The following PRKN variants were observed in gnomAD, a reference collection of about 807,000 sequenced individuals.
The protein encoded by PRKN is E3 ubiquitin-protein ligase parkin.
In PRKN, 56 loss-of-function variants were observed where a neutral mutation model predicts 59.5. The observed-to-expected ratio is 0.94, with a 90% confidence interval of 0.76 to 1.18. PRKN has a LOEUF of 1.18. PRKN is among the 50% of genes most tolerant of loss of function. The probability of loss-of-function intolerance (pLI) is 0.00; values close to 1 mark genes in which losing one functional copy is unlikely to be tolerated. For missense variants in PRKN, 657 were observed against 596.4 expected (o/e 1.10, Z -1.06); for synonymous variants, 250 against 222.1 (o/e 1.13, Z -1.12).
At chr6:162,283,735 G>GCCAATTT (rs1377716572) in intron 2 of PRKN, among the ~76,000 whole-genome samples, 1 of 152,070 alleles carries the variant, frequency 6.6e-6, no homozygotes, top group East Asian at 1.9e-4. Flanking sequence ...TGGCCAGGCT[G>GCCAATTT]GTCTCGAACT....
chr6:161,431,907 A>C (rs559340819), intron 9 of PRKN, among the ~76,000 whole-genome samples: 1 of 152,296 alleles, frequency 6.6e-6, no homozygotes, highest in South Asian at 2.1e-4. Context: ...GAGCCACTGC[A>C]TCCGGCAATA....
intron 6 of PRKN, among the ~76,000 whole-genome samples, chr6:161,937,944 C>G (rs537584116): frequency 1.3e-5 from 2 of 152,250 alleles, no homozygotes; most frequent in South Asian, 4.1e-4. Flanking sequence ...ATACATTCTT[C>G]CTAAATTTCA....
At chr6:162,706,027 A>G (rs980260139) in intron 1 of PRKN, among the ~76,000 whole-genome samples, 4 of 152,030 alleles carry the variant, frequency 2.6e-5, no homozygotes, top group African/African-American at 9.7e-5. Flanking sequence ...CACACAGCTC[A>G]CAATCTCTTG....
intron 5 of PRKN, among the ~76,000 whole-genome samples, chr6:162,004,402 A>C (rs1782170132): frequency 6.6e-6 from 1 of 152,174 alleles, no homozygotes; most frequent in South Asian, 2.1e-4. Context: ...TGAGCCAATT[A>C]AACCTCTTTT....
chr6:161,853,597 T>G (rs749686725), intron 6 of PRKN, among the ~76,000 whole-genome samples: 26 of 152,370 alleles, frequency 1.7e-4, no homozygotes, highest in African/African-American at 5.3e-4. Flanking sequence ...TTAACAGAGC[T>G]AGGAATACTG....
intron 2 of PRKN, among the ~76,000 whole-genome samples, chr6:162,263,751 C>T (rs1383853065): frequency 4.7e-5 from 7 of 149,602 alleles, no homozygotes; most frequent in East Asian, 2.0e-4. Flanking sequence ...GTCAGGAGTT[C>T]GAGAAGAGCC....
intron 4 of PRKN, among the ~76,000 whole-genome samples, chr6:162,071,912 C>G (rs1778592996): frequency 6.6e-6 from 1 of 151,902 alleles, no homozygotes; most frequent in Non-Finnish European, 1.5e-5. Context: ...TACTTAATTA[C>G]TCTAGTTTCT....
At chr6:162,103,703 C>T (rs1260997515) in intron 4 of PRKN, among the ~76,000 whole-genome samples, 7 of 151,936 alleles carry the variant, frequency 4.6e-5, no homozygotes, top group African/African-American at 1.7e-4. Flanking sequence ...CTCAGAGGAA[C>T]GCCAGGGCAG....
At chr6:161,589,384 G>T (rs1781633430) in intron 7 of PRKN, among the ~76,000 whole-genome samples, 1 of 152,080 alleles carries the variant, frequency 6.6e-6, no homozygotes. Flanking sequence ...TTATACTTCA[G>T]ACAAGGTTCA....
At chr6:161,951,279 T>C (rs569779323) in intron 6 of PRKN, among the ~76,000 whole-genome samples, 22 of 152,172 alleles carry the variant, frequency 1.4e-4, no homozygotes, top group Non-Finnish European at 2.1e-4. Flanking sequence ...TTTCTAAAAG[T>C]CCTGTTTCCT....
chr6:161,596,465 C>A (rs1369499452), intron 7 of PRKN, among the ~76,000 whole-genome samples: 2 of 152,084 alleles, frequency 1.3e-5, no homozygotes, highest in Admixed American at 6.5e-5. Context: ...GTATGTTTTT[C>A]TTTTTCTGAC....
intron 1 of PRKN, among the ~76,000 whole-genome samples, chr6:162,646,344 C>T (rs758847032): frequency 2.0e-5 from 3 of 151,956 alleles, no homozygotes; most frequent in Non-Finnish European, 4.4e-5. Context: ...GTAATCATAG[C>T]TCACTGTGGC....
At chr6:161,688,390 C>A (rs1315598621) in intron 7 of PRKN, among the ~76,000 whole-genome samples, 1 of 152,200 alleles carries the variant, frequency 6.6e-6, no homozygotes, top group Non-Finnish European at 1.5e-5. Flanking sequence ...TGGGGAAGAG[C>A]CTATGCTCTC....
chr6:161,906,659 C>CATAT lies in PRKN; in HGVS notation c.734+66639_734+66642dup, dbSNP rs144796790. Among the ~76,000 whole-genome samples, 36 of 116,614 alleles carry CATAT rather than the reference C, an allele frequency of 3.1e-4. 1 individual carries two copies. Among genetic ancestry groups the CATAT allele is most frequent in the Middle Eastern group, 4.8e-3 (1 of 208 alleles). 76.5% of individuals were successfully genotyped at this position (116,614 alleles called of 152,430 possible). On this transcript the variant is annotated intron_variant, in intron 6 of 11. Transcript: ENST00000366898. ...AGAGGGACAAATCTAATAGAACATACATATATATATATATATGTATATATG... is the reference window on the plus strand; with the variant it reads ...AGAGGGACAAATCTAATAGAACATACATATATATATATATATATATGTATATATG...
chr6:162,552,211 G>A (rs771527848), intron 1 of PRKN, among the ~76,000 whole-genome samples: 3 of 152,188 alleles, frequency 2.0e-5, no homozygotes, highest in Non-Finnish European at 4.4e-5. Flanking sequence ...GAGTCGGACA[G>A]CAAAGACAGA....
In PRKN at chr6:161,362,489, G is replaced by A. The variant is rs143362272; in HGVS notation, c.1168-2284C>T. ...GAGGACCTGGACTCCTGAGGGTGAC[G>A]TTCTCAGTGGAGGAAGCCAGGGCAA... On this transcript the variant is annotated intron_variant, in intron 10 of 11. Transcript: ENST00000366898. The surrounding 1 kb of genome is among the most constrained non-coding windows in gnomAD (Gnocchi z 5.2). 3.4e-3 allele frequency among the ~76,000 whole-genome samples: 522 copies of A among 152,274 alleles called. 2 individuals carry two copies. The highest frequency in any genetic ancestry group is 0.012 in the African/African-American group (497 of 41,562).
At chr6:162,534,298 A>G (rs1415871451) in intron 1 of PRKN, among the ~76,000 whole-genome samples, 1 of 151,998 alleles carries the variant, frequency 6.6e-6, no homozygotes, top group East Asian at 1.9e-4. Context: ...CCACTTCCAG[A>G]AGCTTCTTCC....
intron 4 of PRKN, among the ~76,000 whole-genome samples, chr6:162,147,763 G>T (rs1170042039): frequency 6.6e-6 from 1 of 152,066 alleles, no homozygotes; most frequent in Non-Finnish European, 1.5e-5. Flanking sequence ...AATAACCAAA[G>T]AGATCATTTG....
intron 5 of PRKN, among the ~76,000 whole-genome samples, chr6:162,048,008 A>C (rs915142750): frequency 2.0e-5 from 3 of 152,198 alleles, no homozygotes; most frequent in African/African-American, 7.2e-5. Context: ...GGATAGTTTT[A>C]AGTATCTAAT....
Sources: gnomAD v4.1 joint callset for allele counts (sites outside exome capture counted in the v4.1 genomes callset) on GRCh38, gnomAD v4.1.1 for gene constraint, Gnocchi (gnomAD v3.1) non-coding constraint, MANE v1.5 for transcripts, NCBI Gene and HGNC (gene_info 2026-07-23, HGNC 2026-07-21) for gene names.